The following DDX31 variants were observed in gnomAD, a reference collection of about 807,000 sequenced individuals.
DDX31 encodes the protein ATP-dependent DNA helicase DDX31.
In DDX31, 70 loss-of-function variants were observed where a neutral mutation model predicts 91.3. The observed-to-expected ratio is 0.77, with a 90% confidence interval of 0.63 to 0.94. The LOEUF (loss-of-function observed/expected upper bound fraction) is 0.94. DDX31 is among the 40% of genes least tolerant of loss of function. The probability of loss-of-function intolerance (pLI) is 0.00; values close to 1 mark genes in which losing one functional copy is unlikely to be tolerated. For missense variants in DDX31, 902 were observed against 925.0 expected (o/e 0.98, Z 0.32); for synonymous variants, 362 against 350.6 (o/e 1.03, Z -0.36).
chr9:132,631,787 G>C (rs996036402), intron 15 of DDX31, among the ~76,000 whole-genome samples: 5 of 152,222 alleles, frequency 3.3e-5, no homozygotes, highest in Admixed American at 2.0e-4. Flanking sequence ...TTTGTGACAC[G>C]AATTAGTCTA....
chr9:132,658,645 G>C (rs747459410), intron 6 of DDX31, 26 bp downstream of exon 6: 3 of 1,606,614 alleles, frequency 1.9e-6, no homozygotes, highest in Non-Finnish European at 2.6e-6. Context: ...TATGAGCAAT[G>C]ACAGAAAAAC....
intron 19 of DDX31, among the ~76,000 whole-genome samples, chr9:132,608,914 C>T (rs1421161932): frequency 1.3e-5 from 2 of 152,150 alleles, no homozygotes; most frequent in African/African-American, 2.4e-5. Flanking sequence ...GTTTTCTCTG[C>T]CGCTTACCCT....
intron 6 of DDX31, 138 bp downstream of exon 6, chr9:132,658,533 C>T (rs1051124911): frequency 4.2e-5 from 31 of 743,476 alleles, no homozygotes; most frequent in Non-Finnish European, 6.6e-5. Context: ...CACATTTATG[C>T]AATAAATAAA....
chr9:132,639,686 C>G (rs768560410), intron 14 of DDX31, among the ~76,000 whole-genome samples: 18 of 152,214 alleles, frequency 1.2e-4, no homozygotes, highest in Non-Finnish European at 2.2e-4. Flanking sequence ...ATACAAACAA[C>G]AGAACTTCAG....
intron 16 of DDX31, among the ~76,000 whole-genome samples, chr9:132,626,031 A>T (rs1257208887): frequency 6.6e-6 from 1 of 152,068 alleles, no homozygotes; most frequent in Non-Finnish European, 1.5e-5. Context: ...TTTCTTAATA[A>T]ATCTTGAATA....
chr9:132,629,406 G>A (rs1315491845), intron 16 of DDX31, among the ~76,000 whole-genome samples: 1 of 152,200 alleles, frequency 6.6e-6, no homozygotes, highest in Non-Finnish European at 1.5e-5. Flanking sequence ...CCTTGAAAGA[G>A]TTTTGAAAAG....
chr9:132,621,610 C>A (rs1364796516), intron 17 of DDX31, among the ~76,000 whole-genome samples: 3 of 152,136 alleles, frequency 2.0e-5, no homozygotes, highest in Admixed American at 6.5e-5. Flanking sequence ...GCTATCTGAA[C>A]GAAAGGCCTA....
chr9:132,669,113 T>G (rs961825763), intron 1 of DDX31, among the ~76,000 whole-genome samples: 2 of 152,174 alleles, frequency 1.3e-5, no homozygotes, highest in Non-Finnish European at 2.9e-5. Context: ...TGGCTGCCCT[T>G]AGAGACAACA....
rs755728832 is a variant in DDX31, at chr9:132,612,268, A to AGAGCGGGGAGGGAAGCTGTCAG, written c.1826-35_1826-14dup. On this transcript the variant is annotated splice_polypyrimidine_tract_variant and intron_variant, in intron 18 of 19. Coordinates refer to ENST00000372159, the MANE Select transcript of DDX31 (RefSeq NM_022779.9). ...AAGGACTGCAGAGCTGAAAGAAAAG[A>AGAGCGGGGAGGGAAGCTGTCAG]GAGCGGGGAGGGAAGCTGTCAGGAC... The AGAGCGGGGAGGGAAGCTGTCAG allele has an allele frequency of 2.5e-6, 4 of 1,614,130 alleles. No individual in the cohort carries two copies. Among genetic ancestry groups the AGAGCGGGGAGGGAAGCTGTCAG allele is most frequent in the Non-Finnish European group, 3.4e-6 (4 of 1,180,002 alleles).
intron 6 of DDX31, among the ~76,000 whole-genome samples, chr9:132,653,127 C>A (rs1412493841): frequency 4.0e-5 from 6 of 149,504 alleles, no homozygotes; most frequent in Admixed American, 2.0e-4. Context: ...AAAAAAAAAA[C>A]CATAAGAGAA....
chr9:132,669,722 C>T, intron 1 of DDX31, 138 bp downstream of exon 1: 1 of 1,531,932 alleles, frequency 6.5e-7, no homozygotes, highest in Non-Finnish European at 8.7e-7. Flanking sequence ...GCAACTTGTC[C>T]CGAAGCTGCC....
chr9:132,601,505 A>T (rs1006646683), intron 19 of DDX31, among the ~76,000 whole-genome samples: 1 of 152,178 alleles, frequency 6.6e-6, no homozygotes, highest in Non-Finnish European at 1.5e-5. Flanking sequence ...GCCATCCATC[A>T]TGGGGGCCAG....
chr9:132,662,757 G>C, intron 1 of DDX31, 62 bp from the exon 2 acceptor site: 2 of 1,602,224 alleles, frequency 1.2e-6, no homozygotes, highest in Non-Finnish European at 8.5e-7. Flanking sequence ...AACAGAGCTC[G>C]GAGTGAAGCC....
At chr9:132,669,786 C>T in intron 1 of DDX31, 74 bp downstream of exon 1, 4 of 1,519,958 alleles carry the variant, frequency 2.6e-6, no homozygotes, top group Non-Finnish European at 2.6e-6. Flanking sequence ...GACTCCAAGG[C>T]ACGGCTGCAG....
In DDX31 at chr9:132,648,260, A is replaced by T; in HGVS notation, c.896T>A (p.Val299Glu). Residue 299 changes from valine (V) to glutamate (E), a missense_variant, in exon 11 of 20, where the codon GTG becomes GAG. Val to Glu is a moderately radical substitution (Grantham distance 121). Transcript: ENST00000372159. ...TTCAGCATTTACAGCATTAAGTATC[A>T]CTGTGATGTCCTTTTCAAAACCCAA... is the stretch of plus-strand genomic sequence containing the variant. ...LDLGFEKDIT[V>E]ILNAVNAECQ... is the part of the protein sequence containing the mutation. 6.2e-7 allele frequency: 1 copy of T among 1,613,708 alleles called. No individual in the cohort carries two copies. The highest frequency in any genetic ancestry group is 1.3e-5 in the African/African-American group (1 of 74,990).
At chr9:132,657,605 T>C (rs910498054) in intron 6 of DDX31, among the ~76,000 whole-genome samples, 4 of 152,252 alleles carry the variant, frequency 2.6e-5, no homozygotes, top group African/African-American at 9.6e-5. Flanking sequence ...CACTCAAATA[T>C]CAGGTAGGCT....
chr9:132,620,480 GAA>G (rs144394202), intron 17 of DDX31, among the ~76,000 whole-genome samples: 1 of 143,274 alleles, frequency 7.0e-6, no homozygotes, highest in Non-Finnish European at 1.5e-5. Flanking sequence ...AATACGTAGG[GAA>G]AAAAAAAACA....
At chr9:132,629,633 A>G (rs530233997) in intron 16 of DDX31, among the ~76,000 whole-genome samples, 11 of 152,370 alleles carry the variant, frequency 7.2e-5, no homozygotes, top group Admixed American at 3.9e-4. Context: ...GATGTTTTAC[A>G]TAAAACACAG....
At chr9:132,616,832 T>A (rs1484750958) in intron 18 of DDX31, among the ~76,000 whole-genome samples, 2 of 152,270 alleles carry the variant, frequency 1.3e-5, no homozygotes, top group Non-Finnish European at 2.9e-5. Context: ...ACTTCATCTT[T>A]TACCTTGTGT....
Sources: gnomAD v4.1 joint callset for allele counts (sites outside exome capture counted in the v4.1 genomes callset) on GRCh38, gnomAD v4.1.1 for gene constraint, MANE v1.5 for transcripts, NCBI Gene and HGNC (gene_info 2026-07-23, HGNC 2026-07-21) for gene names.